Variants in TBC1D32 observed in about 807,000 individuals in gnomAD.
The protein encoded by TBC1D32 is protein broad-minded.
TBC1D32 carries 151 observed loss-of-function variants against 170.3 expected under a neutral mutation model. The observed-to-expected ratio is 0.89, with a 90% CI of 0.78 to 1.01. The LOEUF (loss-of-function observed/expected upper bound fraction) is 1.01, where lower values mean the gene tolerates loss of function less well. Among genes scored for constraint, TBC1D32 ranks in the 50% least tolerant of loss-of-function variants. TBC1D32 has a pLI of 0.00. For missense variants in TBC1D32, 1,464 were observed against 1,457.1 expected (o/e 1.00, Z -0.08); for synonymous variants, 498 against 488.0 (o/e 1.02, Z -0.27).
intron 27 of TBC1D32, among the ~76,000 whole-genome samples, chr6:121,113,646 T>C (rs542959052): frequency 1.3e-5 from 2 of 152,284 alleles, no homozygotes; most frequent in East Asian, 1.9e-4. Context: ...GCCAGGTGAT[T>C]AGACATGGGA....
At chr6:121,186,438 AC>A (rs1049384013) in intron 22 of TBC1D32, among the ~76,000 whole-genome samples, 2 of 152,082 alleles carry the variant, frequency 1.3e-5, no homozygotes, top group African/African-American at 2.4e-5. Flanking sequence ...ATATAAAAAA[AC>A]AAAACTTAGA....
intron 20 of TBC1D32, among the ~76,000 whole-genome samples, chr6:121,233,841 G>T (rs1216929561): frequency 6.6e-6 from 1 of 152,058 alleles, no homozygotes; most frequent in Non-Finnish European, 1.5e-5. Context: ...GTTCTATTTT[G>T]GTGTATTTCG....
At chr6:121,292,652 C>CATAT (rs138099551) in intron 11 of TBC1D32, among the ~76,000 whole-genome samples, 2 of 152,050 alleles carry the variant, frequency 1.3e-5, no homozygotes, top group African/African-American at 4.8e-5. Context: ...TTGTCATTCA[C>CATAT]ATATATATAC....
chr6:121,271,712 C>T (rs1441864563), intron 15 of TBC1D32, among the ~76,000 whole-genome samples: 1 of 152,110 alleles, frequency 6.6e-6, no homozygotes, highest in Non-Finnish European at 1.5e-5. Context: ...ATATTCAATG[C>T]CATCCCCATC....
intron 30 of TBC1D32, among the ~76,000 whole-genome samples, chr6:121,093,421 T>A (rs1460238011): frequency 6.6e-6 from 1 of 152,160 alleles, no homozygotes; most frequent in African/African-American, 2.4e-5. Context: ...GCTACAGCTA[T>A]TAATGCCAAT....
chr6:121,197,508 A>G (rs1045629041), intron 22 of TBC1D32, among the ~76,000 whole-genome samples: 1 of 152,166 alleles, frequency 6.6e-6, no homozygotes, highest in Non-Finnish European at 1.5e-5. Flanking sequence ...GTGATTGTAT[A>G]CACTTGTACT....
chr6:121,219,102 T>C (rs1794195204), intron 21 of TBC1D32, among the ~76,000 whole-genome samples: 1 of 152,026 alleles, frequency 6.6e-6, no homozygotes. Flanking sequence ...TTAAGTTAGG[T>C]AGTTGGGCAA....
intron 31 of TBC1D32, among the ~76,000 whole-genome samples, chr6:121,087,474 C>A (rs1426006678): frequency 6.6e-6 from 1 of 152,164 alleles, no homozygotes; most frequent in African/African-American, 2.4e-5. Flanking sequence ...TTTCTTGATA[C>A]TGAATATTGC....
intron 19 of TBC1D32, among the ~76,000 whole-genome samples, chr6:121,240,756 T>C (rs1313560431): frequency 6.6e-6 from 1 of 151,282 alleles, no homozygotes; most frequent in Non-Finnish European, 1.5e-5. Flanking sequence ...GGCGTGGTGG[T>C]GGCCTCCTGT....
At chr6:121,232,975 C>T (rs1255933238) in intron 20 of TBC1D32, among the ~76,000 whole-genome samples, 1 of 152,022 alleles carries the variant, frequency 6.6e-6, no homozygotes, top group Non-Finnish European at 1.5e-5. Context: ...CCAATGATCA[C>T]TTAGGAGCAG....
chr6:121,237,770 T>A (rs943755460), intron 20 of TBC1D32, among the ~76,000 whole-genome samples: 2 of 152,080 alleles, frequency 1.3e-5, no homozygotes, highest in Non-Finnish European at 2.9e-5. Context: ...TATTTCCCTT[T>A]ATATTCTATT....
chr6:121,245,345 A>AG (rs1797461729), intron 17 of TBC1D32, among the ~76,000 whole-genome samples: 1 of 152,194 alleles, frequency 6.6e-6, no homozygotes, highest in African/African-American at 2.4e-5. Context: ...GGCTAGACCC[A>AG]GAAGAGCAAT....
At chr6:121,210,492 G>C (rs563981351) in intron 21 of TBC1D32, among the ~76,000 whole-genome samples, 1 of 152,116 alleles carries the variant, frequency 6.6e-6, no homozygotes, top group African/African-American at 2.4e-5. Flanking sequence ...TATATTACAC[G>C]TGAATTTACC....
At chr6:121,243,955 T>C (rs916072070) in intron 17 of TBC1D32, among the ~76,000 whole-genome samples, 1 of 152,022 alleles carries the variant, frequency 6.6e-6, no homozygotes, top group Non-Finnish European at 1.5e-5. Context: ...TCTCTCAACA[T>C]CCATTCTCAA....
chr6:121,240,877 C>CAAAAAA (rs35249678), intron 19 of TBC1D32, among the ~76,000 whole-genome samples: 2 of 84,206 alleles, frequency 2.4e-5, no homozygotes, highest in Non-Finnish European at 4.2e-5. Flanking sequence ...TTCTGTCTCA[C>CAAAAAA]AAAAAAAAAA....
At chr6:121,244,172 A>G (rs542881094) in intron 17 of TBC1D32, among the ~76,000 whole-genome samples, 2 of 152,074 alleles carry the variant, frequency 1.3e-5, no homozygotes, top group African/African-American at 4.8e-5. Context: ...ATCACACACA[A>G]ATATTTTTTA....
chr6:121,127,872 G>A (rs925740365), intron 25 of TBC1D32, among the ~76,000 whole-genome samples: 6 of 152,080 alleles, frequency 3.9e-5, no homozygotes, highest in Non-Finnish European at 7.4e-5. Flanking sequence ...TTTGCTACAC[G>A]CTATGTATTT....
chr6:121,207,277 C>A (rs533281112), intron 21 of TBC1D32, among the ~76,000 whole-genome samples: 6 of 152,114 alleles, frequency 3.9e-5, no homozygotes, highest in African/African-American at 1.2e-4. Flanking sequence ...GTAGGGAATT[C>A]GTATAGGTGA....
Position 121,309,373 on chromosome 6 carries a change from C to T in TBC1D32, c.565-1272G>A, listed in dbSNP as rs1381832168. Among the ~76,000 whole-genome samples, 15 of 151,734 alleles carry T rather than the reference C, an allele frequency of 9.9e-5. No homozygotes were observed. The East Asian group carries it at 1.2e-3, about 12-fold the overall frequency. Reference sequence around the variant, plus strand: ...TCATATAAAATTTAAAACTCATTTCCGATATTTTTGAAAGATGTTATTATT... The same window carrying T: ...TCATATAAAATTTAAAACTCATTTCTGATATTTTTGAAAGATGTTATTATT... On this transcript the variant is annotated intron_variant, in intron 4 of 31. Transcript: ENST00000398212.
Sources: allele counts gnomAD v4.1 joint callset (sites outside exome capture counted in the v4.1 genomes callset), GRCh38; gene constraint gnomAD v4.1.1; transcripts MANE v1.5; gene names NCBI Gene and HGNC (gene_info 2026-07-23, HGNC 2026-07-21).